GULP1: variants seen among roughly 807,000 people sequenced by gnomAD.
GULP1 encodes the protein GULP PTB domain containing engulfment adaptor 1.
In GULP1, 19 loss-of-function variants were observed where a neutral mutation model predicts 40.9. That is an observed-to-expected ratio of 0.46 (90% CI 0.32 to 0.68). The LOEUF (loss-of-function observed/expected upper bound fraction) is 0.68, where lower values mean the gene tolerates loss of function less well. Ranked by LOEUF, GULP1 falls within the 30% of genes least tolerant of loss-of-function variation. The probability of loss-of-function intolerance (pLI) is 0.03; values close to 1 mark genes in which losing one functional copy is unlikely to be tolerated. For synonymous variants in GULP1, 119 were observed against 117.6 expected, an observed-to-expected ratio of 1.01 and a Z score of -0.08; for missense variants, 312 against 362.2, an observed-to-expected ratio of 0.86 and a Z score of 1.12.
chr2:188,483,528 G>T, intron 4 of GULP1, 36 bp downstream of exon 4: 1 of 883,744 alleles, frequency 1.1e-6, no homozygotes, highest in East Asian at 2.8e-5. Flanking sequence ...ATTTTATTTT[G>T]TTATAGTATC....
chr2:188,500,555 A>G (rs1322087798), intron 4 of GULP1, among the ~76,000 whole-genome samples: 1 of 151,936 alleles, frequency 6.6e-6, no homozygotes, highest in Non-Finnish European at 1.5e-5. Flanking sequence ...CACCTAGATA[A>G]ATAAATCTTT....
At chr2:188,392,219 G>A (rs954755231) in intron 2 of GULP1, among the ~76,000 whole-genome samples, 4 of 151,928 alleles carry the variant, frequency 2.6e-5, no homozygotes, top group Admixed American at 6.6e-5. Flanking sequence ...AGCTGTGAAT[G>A]CACCTGGCCC....
intron 7 of GULP1, among the ~76,000 whole-genome samples, chr2:188,545,870 C>A (rs1691815173): frequency 1.3e-5 from 2 of 151,488 alleles, no homozygotes; most frequent in South Asian, 4.2e-4. Context: ...TATAGGCAGG[C>A]TAAAAATGAA....
At chr2:188,582,588 C>CT (rs1221297664) in intron 9 of GULP1, 1 of 453,204 alleles carries the variant, frequency 2.2e-6, no homozygotes, top group Non-Finnish European at 4.6e-6. Context: ...GCAGATAATT[C>CT]TTTTTTATTA....
chr2:188,551,718 G>A (rs1257747201), intron 7 of GULP1, among the ~76,000 whole-genome samples: 1 of 151,600 alleles, frequency 6.6e-6, no homozygotes, highest in Non-Finnish European at 1.5e-5. Flanking sequence ...CAAATGATAA[G>A]TATATTTGCA....
chr2:188,335,928 C>G (rs1234654657), intron 1 of GULP1, among the ~76,000 whole-genome samples: 1 of 152,146 alleles, frequency 6.6e-6, no homozygotes, highest in African/African-American at 2.4e-5. Flanking sequence ...GATTATGTTA[C>G]AGATATGTCT....
At chr2:188,365,868 C>T (rs2046714473) in intron 1 of GULP1, among the ~76,000 whole-genome samples, 1 of 152,132 alleles carries the variant, frequency 6.6e-6, no homozygotes, top group African/African-American at 2.4e-5. Flanking sequence ...CATTTGAAAG[C>T]CATGAATGTG....
At chr2:188,587,625 A>G (rs1702664286) in intron 10 of GULP1, among the ~76,000 whole-genome samples, 1 of 152,164 alleles carries the variant, frequency 6.6e-6, no homozygotes, top group East Asian at 1.9e-4. Flanking sequence ...AAACCTCTCT[A>G]GATAATAATT....
intron 2 of GULP1, among the ~76,000 whole-genome samples, chr2:188,429,742 T>C (rs996876570): frequency 6.6e-6 from 1 of 152,002 alleles, no homozygotes; most frequent in Non-Finnish European, 1.5e-5. Flanking sequence ...GGAGTCTCGC[T>C]CTGTTGCCCA....
intron 9 of GULP1, among the ~76,000 whole-genome samples, chr2:188,575,884 C>G (rs550948047): frequency 3.3e-5 from 5 of 152,144 alleles, no homozygotes; most frequent in Admixed American, 6.5e-5. Flanking sequence ...TTTCAGTAGT[C>G]TAGGAGAAGG....
At chr2:188,573,757 A>G (rs1272502574) in intron 9 of GULP1, among the ~76,000 whole-genome samples, 1 of 152,230 alleles carries the variant, frequency 6.6e-6, no homozygotes, top group Non-Finnish European at 1.5e-5. Flanking sequence ...TTCATTAAAG[A>G]AGCATTGAAG....
intron 2 of GULP1, among the ~76,000 whole-genome samples, chr2:188,471,095 A>G (rs1222580888): frequency 1.3e-5 from 2 of 152,154 alleles, no homozygotes; most frequent in Non-Finnish European, 2.9e-5. Flanking sequence ...CCACTTCATT[A>G]TTATATAGTG....
chr2:188,299,926 C>T (rs2035824208), intron 1 of GULP1, among the ~76,000 whole-genome samples: 1 of 152,206 alleles, frequency 6.6e-6, no homozygotes, highest in African/African-American at 2.4e-5. Flanking sequence ...TTTAGGAGAA[C>T]AACTTGTGGA....
At chr2:188,317,351 T>C (rs917557389) in intron 1 of GULP1, among the ~76,000 whole-genome samples, 1 of 152,196 alleles carries the variant, frequency 6.6e-6, no homozygotes, top group Non-Finnish European at 1.5e-5. Context: ...TTACAAGATA[T>C]ACTGGAAGTA....
intron 7 of GULP1, among the ~76,000 whole-genome samples, chr2:188,563,401 A>G (rs1696807956): frequency 6.6e-6 from 1 of 151,322 alleles, no homozygotes; most frequent in Admixed American, 6.6e-5. Context: ...TTGGTAAATA[A>G]TATAAATTGA....
intron 2 of GULP1, among the ~76,000 whole-genome samples, chr2:188,461,921 A>T (rs1451445015): frequency 1.3e-5 from 2 of 151,644 alleles, no homozygotes; most frequent in East Asian, 3.9e-4. Context: ...TCTTCATTTT[A>T]ATTTTATTTA....
chr2:188,301,290 C>T (rs1016754938), intron 1 of GULP1, among the ~76,000 whole-genome samples: 1 of 152,184 alleles, frequency 6.6e-6, no homozygotes, highest in Non-Finnish European at 1.5e-5. Context: ...TGCCAATGTG[C>T]TGGTATTACA....
At chr2:188,349,255 T>C (rs188482217) in intron 1 of GULP1, among the ~76,000 whole-genome samples, 32 of 152,340 alleles carry the variant, frequency 2.1e-4, no homozygotes, top group African/African-American at 7.5e-4. Context: ...CTCTTGGGTA[T>C]GAACCTTGGA....
At chr2:188,317,522 A>G (rs901801769) in intron 1 of GULP1, among the ~76,000 whole-genome samples, 6 of 152,030 alleles carry the variant, frequency 3.9e-5, no homozygotes, top group Non-Finnish European at 8.8e-5. Flanking sequence ...TTTATCTCTT[A>G]TATCTTTACA....
Sources: allele counts gnomAD v4.1 joint callset (sites outside exome capture counted in the v4.1 genomes callset), GRCh38; gene constraint gnomAD v4.1.1; transcripts MANE v1.5; gene names NCBI Gene and HGNC (gene_info 2026-07-23, HGNC 2026-07-21).